The following EHHADH variants were observed in gnomAD, a reference collection of about 807,000 sequenced individuals.
EHHADH encodes the protein enoyl-CoA hydratase and 3-hydroxyacyl CoA dehydrogenase.
In EHHADH, 48 loss-of-function variants were observed where a neutral mutation model predicts 64.4. The observed-to-expected ratio is 0.75, with a 90% CI of 0.59 to 0.95. EHHADH has a LOEUF of 0.95. Ranked by LOEUF, EHHADH falls within the 40% of genes least tolerant of loss-of-function variation. The pLI, the probability that EHHADH is intolerant of heterozygous loss-of-function variation, is 0.00. For synonymous variants in EHHADH, 308 were observed against 326.7 expected (o/e 0.94, Z 0.62); for missense variants, 854 against 876.6 (o/e 0.97, Z 0.33).
At chr3:185,210,634 CAAAA>C (rs34709334) in intron 5 of EHHADH, among the ~76,000 whole-genome samples, 9 of 83,250 alleles carry the variant, frequency 1.1e-4, no homozygotes, top group Admixed American at 2.5e-4. Flanking sequence ...GACTCTGTCT[CAAAA>C]AAAAAAAAAA....
chr3:185,192,225 A>G lies in EHHADH; in HGVS notation c.*1T>C. On this transcript the variant is annotated 3_prime_UTR_variant, in exon 7 of 7. Coordinates refer to ENST00000231887, the MANE Select transcript of EHHADH (RefSeq NM_001966.4). The stretch of plus-strand genomic sequence containing the variant: ...TGTGAGGCATAATCTGGAAGACTGA[A>G]TCACAATTTACTGCTAGGGGAGCCT... 1 of 1,610,328 alleles carries G rather than the reference A, an allele frequency of 6.2e-7. No individual in the cohort carries two copies. Among genetic ancestry groups the G allele is most frequent in the Non-Finnish European group, 8.5e-7 (1 of 1,178,192 alleles).
chr3:185,197,730 G>A (rs894103867), intron 6 of EHHADH, among the ~76,000 whole-genome samples: 1 of 152,292 alleles, frequency 6.6e-6, no homozygotes, highest in East Asian at 1.9e-4. Flanking sequence ...ACTGTTAGGC[G>A]ATTGTGAGTA....
intron 4 of EHHADH, among the ~76,000 whole-genome samples, chr3:185,223,323 G>T (rs942480253): frequency 1.3e-5 from 2 of 151,986 alleles, no homozygotes; most frequent in Admixed American, 1.3e-4. Context: ...CTAAGGTTTT[G>T]ATTTTAAATA....
In EHHADH at chr3:185,204,684, A is replaced by C. The variant is rs1057482044; in HGVS notation, c.642T>G (p.Ser214Arg). The change falls in exon 6 of 7, where the codon AGT becomes AGG. Residue 214 changes from serine (S) to arginine (R), a missense_variant. By Grantham distance (110) the Ser-to-Arg change is moderately radical. Transcript: ENST00000231887. ...QSLPNMDSIFSEALLKMRRQH... is the reference protein window; with the variant it reads ...QSLPNMDSIFREALLKMRRQH... ...GCCTCCGCATCTTCAAGAGGGCCTC[A>C]CTAAAAATGCTGTCCATGTTGGGCA... 1 of 1,614,122 alleles carries C rather than the reference A, an allele frequency of 6.2e-7. No individual in the cohort carries two copies. Among genetic ancestry groups the C allele is most frequent in the African/African-American group, 1.3e-5 (1 of 74,946 alleles).
chr3:185,193,356 C>T lies in EHHADH; in HGVS notation c.1042G>A (p.Ala348Thr). 1 of 1,614,026 alleles carries T rather than the reference C, an allele frequency of 6.2e-7. No homozygotes were observed. The change falls in exon 7 of 7, where the codon GCC becomes ACC. Residue 348 changes from alanine (A) to threonine (T), a missense_variant. Coordinates refer to ENST00000231887, the MANE Select transcript of EHHADH (RefSeq NM_001966.4). Reference protein sequence around the residue: ...KMITSVLEKEASKMQQSGHPW... With the variant: ...KMITSVLEKETSKMQQSGHPW... ...TGGCCGCTCTGTTGCATTTTGGAGGCTTCTTTTTCCAAGACAGAGGTTATC... is the reference window on the plus strand; with the variant it reads ...TGGCCGCTCTGTTGCATTTTGGAGGTTTCTTTTTCCAAGACAGAGGTTATC...
Position 185,192,537 on chromosome 3 carries a change from C to A in EHHADH, c.1861G>T (p.Glu621Ter), listed in dbSNP as rs1560003719. The change falls in exon 7 of 7, where the codon GAA (glutamate) becomes TAA (stop). Residue 621 changes from glutamate (E) to a stop codon, truncating the protein, a stop_gained. Coordinates refer to ENST00000231887, the MANE Select transcript of EHHADH (RefSeq NM_001966.4). LOFTEE classifies it high-confidence loss of function. ...PRTISQDEIL[E>*]RCLYSLINEA... ...TTGATAAGTGAATATAAGCAGCGTT[C>A]AAGGATCTCATCCTGGCTAATGGTA... is the stretch of plus-strand genomic sequence containing the variant. 1 of 1,614,038 alleles carries A rather than the reference C, an allele frequency of 6.2e-7. No individual in the cohort carries two copies. The highest frequency in any genetic ancestry group is 1.7e-5 in the Admixed American group (1 of 59,992).
intron 6 of EHHADH, among the ~76,000 whole-genome samples, chr3:185,201,064 AAGAT>A (rs1718207808): frequency 6.6e-6 from 1 of 152,194 alleles, no homozygotes; most frequent in African/African-American, 2.4e-5. Flanking sequence ...CCCATTAAGA[AAGAT>A]ACAAGGAAAG....
chr3:185,244,931 C>T (rs1271024841), intron 2 of EHHADH, among the ~76,000 whole-genome samples: 1 of 152,114 alleles, frequency 6.6e-6, no homozygotes, highest in East Asian at 1.9e-4. Context: ...GAAAGTGGCC[C>T]CACTTTTTTG....
rs565117340 is a variant in EHHADH at position 185,191,461 on chromosome 3, A to G, written c.*765T>C. 2.6e-5 allele frequency: 4 copies of G among 152,050 alleles called. 1 individual carries two copies. In the East Asian group the frequency reaches 7.7e-4, roughly 29 times the overall value. The allele number at this position is 152,050 out of a possible 1,614,324, so 9.4% of individuals were successfully genotyped here. A position where few individuals can be genotyped will look rare whatever the true frequency, so the allele number is the denominator to read the frequency against. On this transcript the variant is annotated 3_prime_UTR_variant, in exon 7 of 7. Coordinates refer to ENST00000231887, the MANE Select transcript of EHHADH (RefSeq NM_001966.4). ...TACACAAGGCAAAAAGTAAAAAGAG[A>G]AGAACTCTTACAACAAAATCATACA... is the stretch of plus-strand genomic sequence containing the variant.
intron 2 of EHHADH, among the ~76,000 whole-genome samples, chr3:185,236,063 CATGT>C (rs1719283736): frequency 6.6e-6 from 1 of 151,988 alleles, no homozygotes; most frequent in South Asian, 2.1e-4. Flanking sequence ...ATAAAAATAA[CATGT>C]ATTATGGAAA....
At chr3:185,225,383 G>T (rs546240491) in intron 4 of EHHADH, among the ~76,000 whole-genome samples, 6 of 152,100 alleles carry the variant, frequency 3.9e-5, no homozygotes, top group African/African-American at 1.2e-4. Flanking sequence ...TATCTGCTCT[G>T]TCACAAAATC....
intron 3 of EHHADH, among the ~76,000 whole-genome samples, chr3:185,234,526 C>A (rs1038668231): frequency 6.7e-6 from 1 of 150,348 alleles, no homozygotes; most frequent in Non-Finnish European, 1.5e-5. Context: ...AGAGAGAGGC[C>A]CTAGGGCTAA....
chr3:185,231,895 T>C (rs1281973666), intron 3 of EHHADH, among the ~76,000 whole-genome samples: 1 of 152,236 alleles, frequency 6.6e-6, no homozygotes, highest in Non-Finnish European at 1.5e-5. Context: ...TCTGAGAATA[T>C]ACTCATATAC....
intron 5 of EHHADH, among the ~76,000 whole-genome samples, chr3:185,207,074 A>G (rs1344538943): frequency 6.6e-6 from 1 of 152,050 alleles, no homozygotes; most frequent in African/African-American, 2.4e-5. Context: ...GATTGCTTTG[A>G]GCTCAGGAGG....
chr3:185,238,604 A>T (rs1164247526), intron 2 of EHHADH, among the ~76,000 whole-genome samples: 1 of 152,168 alleles, frequency 6.6e-6, no homozygotes, highest in Non-Finnish European at 1.5e-5. Flanking sequence ...ATTTTTAAGT[A>T]TATATAACCA....
intron 4 of EHHADH, among the ~76,000 whole-genome samples, chr3:185,220,709 G>A (rs938379861): frequency 5.3e-5 from 8 of 152,158 alleles, no homozygotes; most frequent in Non-Finnish European, 8.8e-5. Context: ...TTATGACATC[G>A]TAAGTGTAGA....
rs773524623 is a variant in EHHADH, at chr3:185,202,811, T to C, written c.910+1605A>G. Among the ~76,000 whole-genome samples, 29 of 152,270 alleles carry C rather than the reference T, an allele frequency of 1.9e-4. 1 individual carries two copies. Among genetic ancestry groups the C allele is most frequent in the African/African-American group, 4.8e-4 (20 of 41,558 alleles). On this transcript the variant is annotated intron_variant, in intron 6 of 6. Transcript: ENST00000231887. ...CGTGAAAAATTGTATTCCGTGAAAC[T>C]GGTCCCTGGTGCCAAAAGGTTGGAG...
chr3:185,226,050 G>A lies in EHHADH; in HGVS notation c.463+3382C>T, dbSNP rs759953326. On this transcript the variant is annotated intron_variant, in intron 4 of 6. Coordinates refer to ENST00000231887, the MANE Select transcript of EHHADH (RefSeq NM_001966.4). ...TTATATAATAGGTAGGCATATGTGT[G>A]TGCATACAGTTGTGGTGGCTAGTCT... Among the ~76,000 whole-genome samples the A allele has an allele frequency of 1.9e-4, 29 of 152,254 alleles. 1 individual carries two copies. Among genetic ancestry groups the A allele is most frequent in the African/African-American group, 4.8e-4 (20 of 41,528 alleles).
intron 5 of EHHADH, among the ~76,000 whole-genome samples, chr3:185,206,964 A>G (rs1407140894): frequency 6.6e-6 from 1 of 151,682 alleles, no homozygotes; most frequent in Non-Finnish European, 1.5e-5. Flanking sequence ...ATAACCTCAC[A>G]TGGTAAAGAG....
Sources: gnomAD v4.1 joint callset for allele counts (sites outside exome capture counted in the v4.1 genomes callset) on GRCh38, gnomAD v4.1.1 for gene constraint, MANE v1.5 for transcripts, NCBI Gene and HGNC (gene_info 2026-07-23, HGNC 2026-07-21) for gene names.